GAB4: variants seen among roughly 807,000 people sequenced by gnomAD.
GAB4 encodes the protein GRB2 associated binding protein family member 4, also known as GRB2-associated-binding protein 4.
A neutral mutation model predicts 51.3 loss-of-function variants in GAB4; 26 were observed. The ratio of observed to expected loss-of-function variants is 0.51; its 90% CI spans 0.37 to 0.70. The LOEUF (loss-of-function observed/expected upper bound fraction) is 0.70, where lower values mean the gene tolerates loss of function less well. Among genes scored for constraint, GAB4 ranks in the 30% least tolerant of loss-of-function variants. The probability of loss-of-function intolerance (pLI) is 0.00; values close to 1 mark genes in which losing one functional copy is unlikely to be tolerated. For missense variants in GAB4, 759 were observed against 734.6 expected (o/e 1.03, Z -0.38); for synonymous variants, 329 against 291.2 (o/e 1.13, Z -1.32).
At chr22:16,969,276 C>T (rs573592202) in intron 4 of GAB4, among the ~76,000 whole-genome samples, 12 of 152,360 alleles carry the variant, frequency 7.9e-5, no homozygotes, top group African/African-American at 2.9e-4. Context: ...GACTGATCTC[C>T]TAAACTTCTG....
Position 16,985,817 on chromosome 22 carries a change from A to G in GAB4, c.686+2143T>C, listed in dbSNP as rs562553224. ...ATCTCACTACAGCACACGACCATCA[A>G]ACGCTGATCATGTACTGATAAAGAC... On this transcript the variant is annotated intron_variant, in intron 3 of 9. Transcript: ENST00000400588. Among the ~76,000 whole-genome samples the G allele has an allele frequency of 2.0e-4, 30 of 152,342 alleles. No homozygotes were observed. The South Asian group carries it at 6.2e-3, about 32-fold the overall frequency.
intron 8 of GAB4, among the ~76,000 whole-genome samples, 190 bp downstream of exon 8, chr22:16,964,576 A>C (rs2060655596): frequency 6.6e-6 from 1 of 152,104 alleles, no homozygotes; most frequent in East Asian, 1.9e-4. Flanking sequence ...TTGAGGGGAG[A>C]CCATCATCTT....
At chr22:16,987,204 G>A (rs2060875123) in intron 3 of GAB4, among the ~76,000 whole-genome samples, 2 of 152,226 alleles carry the variant, frequency 1.3e-5, no homozygotes, top group Admixed American at 1.3e-4. Flanking sequence ...ACCAAGGAAT[G>A]TGACTGTGAT....
chr22:17,000,236 T>A (rs1236814672), intron 1 of GAB4, among the ~76,000 whole-genome samples: 1 of 152,236 alleles, frequency 6.6e-6, no homozygotes, highest in African/African-American at 2.4e-5. Context: ...ATGTTGACAG[T>A]GGGGTGTTAA....
chr22:16,995,663 G>A (rs1601284917), intron 1 of GAB4, among the ~76,000 whole-genome samples: 1 of 152,222 alleles, frequency 6.6e-6, no homozygotes, highest in African/African-American at 2.4e-5. Context: ...GTGATACACA[G>A]GCAAACAGTG....
chr22:16,992,899 A>G (rs1399297213), intron 1 of GAB4, among the ~76,000 whole-genome samples: 7 of 151,838 alleles, frequency 4.6e-5, no homozygotes, highest in Non-Finnish European at 7.4e-5. Flanking sequence ...TCTTTAATAT[A>G]TTTTTTTGCA....
At chr22:17,006,271 C>T (rs1454813164) in intron 1 of GAB4, among the ~76,000 whole-genome samples, 1 of 152,084 alleles carries the variant, frequency 6.6e-6, no homozygotes, top group Non-Finnish European at 1.5e-5. Context: ...TGAAAAAATG[C>T]TCATCATCAC....
intron 1 of GAB4, among the ~76,000 whole-genome samples, chr22:17,004,627 C>T (rs1425184311): frequency 1.3e-5 from 2 of 152,100 alleles, no homozygotes; most frequent in South Asian, 2.1e-4. Flanking sequence ...AATTCAACAC[C>T]CCGTTCGTGC....
At chr22:16,980,558 G>A (rs1162189691) in intron 3 of GAB4, among the ~76,000 whole-genome samples, 5 of 152,204 alleles carry the variant, frequency 3.3e-5, no homozygotes, top group African/African-American at 1.2e-4. Flanking sequence ...CACTGTTGGT[G>A]GGAGTGTAAA....
At chr22:16,964,140 C>T (rs1311663483) in intron 8 of GAB4, among the ~76,000 whole-genome samples, 1 of 152,138 alleles carries the variant, frequency 6.6e-6, no homozygotes, top group East Asian at 1.9e-4. Context: ...TGCCCACCAC[C>T]TGAGGCTGCA....
intron 4 of GAB4, among the ~76,000 whole-genome samples, chr22:16,968,964 A>G (rs1355043128): frequency 6.6e-6 from 1 of 152,218 alleles, no homozygotes; most frequent in Non-Finnish European, 1.5e-5. Flanking sequence ...AATGGAGAAA[A>G]CAAGGCTTTG....
chr22:16,989,225 A>C (rs535824027), intron 2 of GAB4, among the ~76,000 whole-genome samples: 1 of 152,378 alleles, frequency 6.6e-6, no homozygotes, highest in East Asian at 1.9e-4. Context: ...AAAAGAAATG[A>C]AGGTCTACAG....
At chr22:16,963,502 T>A (rs566565786) in intron 9 of GAB4, among the ~76,000 whole-genome samples, 2 of 152,106 alleles carry the variant, frequency 1.3e-5, no homozygotes, top group South Asian at 4.2e-4. Context: ...CAGTCATCTG[T>A]CTCTAATGGG....
At chr22:16,998,772 G>A (rs2060971179) in intron 1 of GAB4, among the ~76,000 whole-genome samples, 1 of 152,110 alleles carries the variant, frequency 6.6e-6, no homozygotes, top group Admixed American at 6.5e-5. Context: ...GTATGATATT[G>A]GCTGTCGGTT....
chr22:16,991,764 G>A (rs774392407), intron 2 of GAB4, 109 bp downstream of exon 2: 11 of 931,436 alleles, frequency 1.2e-5, no homozygotes, highest in Non-Finnish European at 1.7e-5. Flanking sequence ...GCTTCATCAC[G>A]AGCCCAACAC....
intron 1 of GAB4, among the ~76,000 whole-genome samples, chr22:17,005,114 C>G (rs1323531731): frequency 6.6e-6 from 1 of 152,188 alleles, no homozygotes; most frequent in Non-Finnish European, 1.5e-5. Context: ...ATCATCTCAG[C>G]CCAAAAACTC....
Position 16,992,265 on chromosome 22 carries a change from C to T in GAB4, c.175-89G>A. 4 of 1,159,882 alleles carry T rather than the reference C, an allele frequency of 3.4e-6. No homozygotes were observed. In the South Asian group the frequency reaches 4.5e-5, roughly 13 times the overall value. The allele number at this position is 1,159,882 out of a possible 1,614,324, so 71.8% of individuals were successfully genotyped here. On this transcript the variant is annotated intron_variant, in intron 1 of 9. Coordinates refer to ENST00000400588, the MANE Select transcript of GAB4 (RefSeq NM_001037814.1). ...AGACATCACTAAGTTAAGGATGGGA[C>T]TCGGACCTGCACTCAGCCTATGTCT... is the stretch of plus-strand genomic sequence containing the variant.
intron 2 of GAB4, among the ~76,000 whole-genome samples, chr22:16,991,459 A>G (rs2060913308): frequency 1.3e-5 from 2 of 152,190 alleles, no homozygotes; most frequent in East Asian, 1.9e-4. Context: ...AAACCCAAGC[A>G]TAAGTCTGTA....
Position 16,969,967 on chromosome 22 carries a change from T to C in GAB4, c.913A>G (p.Thr305Ala), listed in dbSNP as rs1218868713. Residue 305 changes from threonine (T) to alanine (A), a missense_variant, in exon 4 of 10, where the codon ACA becomes GCA. By Grantham distance (58) the Thr-to-Ala change is moderately conservative. This residue lies in a region of GAB4 where 588 missense variants were observed against 510.2 expected (regional missense o/e 1.15). Transcript: ENST00000400588. ...CCCTCATTATCCGCCTCAGAGCCTG[T>C]GAGGCTGCCTCTGGTGTGGCCATGG... is the stretch of plus-strand genomic sequence containing the variant. ...ASHGHTRGSL[T>A]GSEADNEASS... is the part of the protein sequence containing the mutation. The C allele has an allele frequency of 2.5e-6, 4 of 1,614,054 alleles. No individual in the cohort carries two copies. Among genetic ancestry groups the C allele is most frequent in the Non-Finnish European group, 3.4e-6 (4 of 1,180,038 alleles).
Sources: allele counts gnomAD v4.1 joint callset (sites outside exome capture counted in the v4.1 genomes callset), GRCh38; gene constraint gnomAD v4.1.1; regional missense constraint gnomAD v4.1.1; transcripts MANE v1.5; gene names NCBI Gene and HGNC (gene_info 2026-07-23, HGNC 2026-07-21).